Variants in LEF1 observed in about 807,000 individuals in gnomAD.
The protein encoded by LEF1 is lymphoid enhancer binding factor 1.
Under a neutral mutation model 51.2 loss-of-function variants are expected in LEF1, and 14 were observed. That is an observed-to-expected ratio of 0.27 (90% CI 0.18 to 0.43). The LOEUF is 0.43. LEF1 is among the 20% of genes least tolerant of loss of function. LEF1 has a pLI of 1.00. For missense variants in LEF1, 386 were observed against 512.0 expected (o/e 0.75, Z 2.37); for synonymous variants, 185 against 183.2 (o/e 1.01, Z -0.08).
chr4:108,123,315 T>C (rs987893336), intron 3 of LEF1, among the ~76,000 whole-genome samples: 5 of 152,086 alleles, frequency 3.3e-5, no homozygotes, highest in African/African-American at 7.2e-5. Flanking sequence ...TTCTAGTCAG[T>C]GACAGCACTT....
chr4:108,100,393 T>C (rs899670073), intron 3 of LEF1, among the ~76,000 whole-genome samples: 19 of 152,266 alleles, frequency 1.2e-4, no homozygotes, highest in African/African-American at 4.6e-4. Context: ...TGGAAAACTG[T>C]AGTAGCAAAG....
chr4:108,069,125 C>A (rs186667708), intron 9 of LEF1, among the ~76,000 whole-genome samples: 10 of 152,278 alleles, frequency 6.6e-5, no homozygotes, highest in Admixed American at 2.0e-4. Context: ...CTCTCTTCCC[C>A]CTTCTTCTAC....
chr4:108,087,668 C>G (rs1739741317), intron 4 of LEF1, among the ~76,000 whole-genome samples: 1 of 152,116 alleles, frequency 6.6e-6, no homozygotes, highest in South Asian at 2.1e-4. Context: ...GGACCTAGGA[C>G]AGGGTAAGCA....
chr4:108,065,930 G>A (rs569396402), intron 9 of LEF1, among the ~76,000 whole-genome samples: 4 of 152,134 alleles, frequency 2.6e-5, no homozygotes, highest in South Asian at 2.1e-4. Flanking sequence ...TATTTGAGAC[G>A]GAGTCTTTGT....
intron 3 of LEF1, among the ~76,000 whole-genome samples, chr4:108,094,580 G>A (rs1159871999): frequency 1.3e-5 from 2 of 152,210 alleles, no homozygotes; most frequent in Admixed American, 6.5e-5. Context: ...TAAGGCCTGG[G>A]GCCTCCTGGA....
At chr4:108,146,262 A>G (rs1466165130) in intron 3 of LEF1, among the ~76,000 whole-genome samples, 3 of 152,260 alleles carry the variant, frequency 2.0e-5, no homozygotes, top group Non-Finnish European at 4.4e-5. Context: ...CAAGGAATTC[A>G]GGATTCTATG....
intron 3 of LEF1, among the ~76,000 whole-genome samples, 168 bp downstream of exon 3, chr4:108,163,400 G>A (rs899803667): frequency 3.3e-5 from 5 of 152,144 alleles, no homozygotes; most frequent in Admixed American, 2.6e-4. Flanking sequence ...AGACATCAAA[G>A]GTAGCACTGT....
At chr4:108,077,655 C>T (rs1283914255) in intron 8 of LEF1, among the ~76,000 whole-genome samples, 1 of 135,772 alleles carries the variant, frequency 7.4e-6, no homozygotes, top group African/African-American at 2.8e-5. Flanking sequence ...GCTGCCGCCC[C>T]GTCTGGGAAG....
rs564302825 is a variant in LEF1 at position 108,073,467 on chromosome 4, A to G, written c.1009-2697T>C. Among the ~76,000 whole-genome samples, 92 of 152,316 alleles carry G rather than the reference A, an allele frequency of 6.0e-4. 1 individual carries two copies. The highest frequency in any genetic ancestry group is 4.3e-3 in the South Asian group (21 of 4,830). ...ATTGGCAAGAGGCAAAGTTTTACCA[A>G]TAAGGAAAAAAATTAGGGACAAAAA... On this transcript the variant is annotated intron_variant, in intron 8 of 11. Transcript: ENST00000265165.
intron 3 of LEF1, among the ~76,000 whole-genome samples, chr4:108,106,771 A>C (rs1043608552): frequency 6.6e-6 from 1 of 152,206 alleles, no homozygotes; most frequent in African/African-American, 2.4e-5. Flanking sequence ...TCCAAAACCC[A>C]GTCAAGTTGG....
chr4:108,152,664 CA>C (rs900834074), intron 3 of LEF1, among the ~76,000 whole-genome samples: 2 of 152,180 alleles, frequency 1.3e-5, no homozygotes, highest in African/African-American at 2.4e-5. Flanking sequence ...AATGTTTTTC[CA>C]AAACTTATTT....
At chr4:108,117,580 T>C (rs901297525) in intron 3 of LEF1, among the ~76,000 whole-genome samples, 2 of 152,258 alleles carry the variant, frequency 1.3e-5, no homozygotes, top group African/African-American at 4.8e-5. Context: ...CTACAGCTTC[T>C]GCAGTACAAG....
chr4:108,064,678 C>T, intron 9 of LEF1, among the ~76,000 whole-genome samples: 1 of 62,154 alleles, frequency 1.6e-5, no homozygotes, highest in African/African-American at 3.1e-5. Context: ...CACACACACA[C>T]ACACACACAC....
At chr4:108,058,101 C>G (rs1560756161) in intron 11 of LEF1, among the ~76,000 whole-genome samples, 1 of 151,942 alleles carries the variant, frequency 6.6e-6, no homozygotes, top group Non-Finnish European at 1.5e-5. Flanking sequence ...GTCTCGAACT[C>G]CTGACCTCAT....
At chr4:108,049,779 GAAAGT>G (rs1007520485) in intron 11 of LEF1, among the ~76,000 whole-genome samples, 13 of 152,172 alleles carry the variant, frequency 8.5e-5, no homozygotes, top group Non-Finnish European at 2.9e-5. Flanking sequence ...AATGGAAAAA[GAAAGT>G]AAAAGAGAAA....
chr4:108,081,437 T>C (rs992695654), intron 6 of LEF1, 149 bp downstream of exon 6: 4 of 638,356 alleles, frequency 6.3e-6, no homozygotes, highest in African/African-American at 1.8e-5. Context: ...CTCTGACACC[T>C]AGTGTGGGAG....
At position 108,163,576 on chromosome 4, in the gene LEF1, G is replaced by A. The variant is rs1048060629; in HGVS notation, c.406C>T (p.Pro136Ser). 6.2e-7 allele frequency: 1 copy of A among 1,612,848 alleles called. No individual in the cohort carries two copies. The highest frequency in any genetic ancestry group is 8.5e-7 in the Non-Finnish European group (1 of 1,179,434). ...MSNGSLSPPIPRTSNKVPVVQ... is the reference protein window; with the variant it reads ...MSNGSLSPPISRTSNKVPVVQ... ...ATCAGCATGTTACTTACTGTTCTCG[G>A]GATGGGTGGAGAAAGAGATCCATTT... Residue 136 changes from proline to serine, a missense_variant, in exon 3 of 12, where the codon CCG (proline) becomes TCG (serine). Pro to Ser is a moderately conservative substitution (Grantham distance 74). This residue lies in a region of LEF1 where 335 missense variants were observed against 390.7 expected (regional missense o/e 0.86). Transcript: ENST00000265165.
intron 3 of LEF1, among the ~76,000 whole-genome samples, chr4:108,126,808 A>G (rs1402361685): frequency 6.7e-6 from 1 of 150,208 alleles, no homozygotes; most frequent in Non-Finnish European, 1.5e-5. Context: ...TTCTCTCAAA[A>G]AAAAAAAAAA....
chr4:108,120,027 G>A (rs1578365976), intron 3 of LEF1, among the ~76,000 whole-genome samples: 3 of 128,912 alleles, frequency 2.3e-5, no homozygotes, highest in South Asian at 2.5e-4. Context: ...GTGTGTGTGT[G>A]TGTGTATGTA....
Sources: gnomAD v4.1 joint callset for allele counts (sites outside exome capture counted in the v4.1 genomes callset) on GRCh38, gnomAD v4.1.1 for gene constraint, gnomAD v4.1.1 regional missense constraint, MANE v1.5 for transcripts, NCBI Gene and HGNC (gene_info 2026-07-23, HGNC 2026-07-21) for gene names.